Variants in PXK observed in about 807,000 individuals in gnomAD.
PXK encodes the protein PX domain containing serine/threonine kinase like, also known as PX domain-containing protein kinase-like protein.
A neutral mutation model predicts 84.7 loss-of-function variants in PXK; 35 were observed. The observed-to-expected ratio is 0.41, with a 90% CI of 0.32 to 0.55. The LOEUF (loss-of-function observed/expected upper bound fraction) is 0.55, where lower values mean the gene tolerates loss of function less well. Ranked by LOEUF, PXK falls within the 20% of genes least tolerant of loss-of-function variation. The pLI, the probability that PXK is intolerant of heterozygous loss-of-function variation, is 0.21. For missense variants in PXK, 634 were observed against 699.7 expected (o/e 0.91, Z 1.06); for synonymous variants, 253 against 260.8 (o/e 0.97, Z 0.29).
intron 7 of PXK, 32 bp downstream of exon 7, chr3:58,391,879 CTGA>C (rs1576469941): frequency 6.5e-7 from 1 of 1,547,930 alleles, no homozygotes; most frequent in East Asian, 2.2e-5. Context: ...ATTCTCAGTG[CTGA>C]TGATAGAGTC....
chr3:58,422,640 A>T, intron 17 of PXK: 10 of 985,334 alleles, frequency 1.0e-5, no homozygotes, highest in Non-Finnish European at 1.2e-5. Context: ...GTGCATTTGC[A>T]CTTCTAATTT....
At chr3:58,360,019 G>A (rs1005464010) in intron 1 of PXK, among the ~76,000 whole-genome samples, 1 of 151,922 alleles carries the variant, frequency 6.6e-6, no homozygotes, top group African/African-American at 2.4e-5. Context: ...TTGGTGGAGC[G>A]CACCTGTAGT....
intron 6 of PXK, 108 bp from the exon 7 acceptor site, chr3:58,391,665 G>A (rs576365122): frequency 1.1e-4 from 108 of 1,024,026 alleles, no homozygotes; most frequent in African/African-American, 8.5e-4. Context: ...TGTTGTTTTC[G>A]TCTTTGGTTT....
At position 58,403,887 on chromosome 3, in the gene PXK, A is replaced by G. The variant is rs777960283; in HGVS notation, c.1207A>G (p.Thr403Ala). Residue 403 changes from threonine to alanine, a missense_variant, in exon 13 of 18, where the codon ACT (threonine) becomes GCT (alanine). Coordinates refer to ENST00000356151, the MANE Select transcript of PXK (RefSeq NM_017771.5). ...MPLFSDVLLTTSEKPQFKIPT... is the reference protein window; with the variant it reads ...MPLFSDVLLTASEKPQFKIPT... ...ATTATTCAGCGATGTTTTACTAACCACTTCTGAAAAACCACAGTTTAAGGT... is the reference window on the plus strand; with the variant it reads ...ATTATTCAGCGATGTTTTACTAACCGCTTCTGAAAAACCACAGTTTAAGGT... 1.3e-6 allele frequency: 2 copies of G among 1,544,052 alleles called. No homozygotes were observed. The highest frequency in any genetic ancestry group is 4.6e-5 in the East Asian group (2 of 43,774).
chr3:58,363,213 A>T (rs2098217276), intron 1 of PXK, among the ~76,000 whole-genome samples: 2 of 151,198 alleles, frequency 1.3e-5, no homozygotes, highest in Non-Finnish European at 3.0e-5. Context: ...CCCTCCAAGT[A>T]TTTTTTTTTG....
chr3:58,336,843 G>A (rs748767426), intron 1 of PXK, among the ~76,000 whole-genome samples: 1 of 151,900 alleles, frequency 6.6e-6, no homozygotes, highest in African/African-American at 2.4e-5. Context: ...ACAGAGTCTC[G>A]CTCTGTCACC....
At chr3:58,369,073 A>G (rs960460728) in intron 2 of PXK, among the ~76,000 whole-genome samples, 3 of 109,338 alleles carry the variant, frequency 2.7e-5, no homozygotes, top group Non-Finnish European at 3.9e-5. Flanking sequence ...CTTTGATTCC[A>G]TGCTCAGTAA....
At chr3:58,372,413 C>A (rs963977312) in intron 3 of PXK, among the ~76,000 whole-genome samples, 1 of 152,014 alleles carries the variant, frequency 6.6e-6, no homozygotes, top group Non-Finnish European at 1.5e-5. Context: ...AGCTCCGCCT[C>A]CCGGGTTCAC....
chr3:58,335,171 G>A (rs2097572235), intron 1 of PXK, among the ~76,000 whole-genome samples: 1 of 151,996 alleles, frequency 6.6e-6, no homozygotes, highest in Non-Finnish European at 1.5e-5. Context: ...CACCACACCT[G>A]GCCCTGCAGA....
At chr3:58,354,595 C>T (rs1222393015) in intron 1 of PXK, among the ~76,000 whole-genome samples, 2 of 151,908 alleles carry the variant, frequency 1.3e-5, no homozygotes, top group African/African-American at 4.8e-5. Flanking sequence ...TACAGGCGCC[C>T]ACCATCGTGC....
chr3:58,338,108 G>A (rs990648688), intron 1 of PXK, among the ~76,000 whole-genome samples: 1 of 152,020 alleles, frequency 6.6e-6, no homozygotes, highest in Non-Finnish European at 1.5e-5. Context: ...TTGGGAGGCC[G>A]AGGCAGGCAG....
chr3:58,335,059 G>GTGTGTGTGTGTGT (rs1559824418), intron 1 of PXK, among the ~76,000 whole-genome samples: 1 of 134,600 alleles, frequency 7.4e-6, no homozygotes, highest in African/African-American at 2.8e-5. Flanking sequence ...GTGTGTGTGT[G>GTGTGTGTGTGTGT]GAGACAGCGT....
At chr3:58,410,244 G>C in intron 16 of PXK, 85 bp downstream of exon 16, 1 of 999,178 alleles carries the variant, frequency 1.0e-6, no homozygotes, top group Non-Finnish European at 1.6e-6. Context: ...CTTGAGTTCT[G>C]CTGGCCAGAA....
chr3:58,414,054 T>G lies in PXK; in HGVS notation c.1528+1091T>G, dbSNP rs1193551547. On this transcript the variant is annotated intron_variant, in intron 17 of 17. Transcript: ENST00000356151. This position sits in a 1 kb window ranked among gnomAD's most constrained non-coding sequence, Gnocchi z 4.5. The stretch of plus-strand genomic sequence containing the variant: ...TACCTGGTCCATGGGAGGATATTCT[T>G]GTCCTTATCTTTGTCAGCAGATTTC... 1.3e-5 allele frequency: 2 copies of G among 152,222 alleles called. No individual in the cohort carries two copies. The highest frequency in any genetic ancestry group is 2.9e-5 in the Non-Finnish European group (2 of 68,054). 9.4% of individuals were successfully genotyped at this position (152,222 alleles called of 1,614,324 possible).
chr3:58,336,372 A>G (rs1484569852), intron 1 of PXK, among the ~76,000 whole-genome samples: 1 of 152,154 alleles, frequency 6.6e-6, no homozygotes. Flanking sequence ...ATGTGTTGGT[A>G]GGTGATTCTG....
chr3:58,376,980 A>G (rs564420668), intron 3 of PXK, among the ~76,000 whole-genome samples: 1 of 152,342 alleles, frequency 6.6e-6, no homozygotes, highest in South Asian at 2.1e-4. Flanking sequence ...ACCAAAAAAT[A>G]AAGTGATTGG....
chr3:58,360,897 T>G (rs963042359), intron 1 of PXK, among the ~76,000 whole-genome samples: 2 of 152,030 alleles, frequency 1.3e-5, no homozygotes, highest in Non-Finnish European at 2.9e-5. Context: ...TTCTTTATGA[T>G]TTAATTTATA....
chr3:58,397,694 C>A lies in PXK; in HGVS notation c.1074C>A (p.Ser358=). Residue 358 remains serine, a synonymous_variant, in exon 11 of 18, where the codon TCC becomes TCA. Transcript: ENST00000356151. The surrounding 1 kb of genome is among the most constrained non-coding windows in gnomAD (Gnocchi z 4.7). ...CGCCAGACTCGGTGCCTGTGGACTC[C>A]TTCCCTCCTGCCCCGTCCATGGCTG... ...GRPPDSVPVD[S]FPPAPSMAVV... 6.2e-7 allele frequency: 1 copy of A among 1,613,950 alleles called. No homozygotes were observed. Among genetic ancestry groups the A allele is most frequent in the Non-Finnish European group, 8.5e-7 (1 of 1,179,880 alleles).
chr3:58,370,475 T>G lies in PXK; in HGVS notation c.201+997T>G, dbSNP rs2098349948. Among the ~76,000 whole-genome samples, 1 of 152,144 alleles carries G rather than the reference T, an allele frequency of 6.6e-6. No homozygotes were observed. Among genetic ancestry groups the G allele is most frequent in the South Asian group, 2.1e-4 (1 of 4,828 alleles). On this transcript the variant is annotated intron_variant, in intron 3 of 17. Transcript: ENST00000356151. The surrounding 1 kb of genome is among the most constrained non-coding windows in gnomAD (Gnocchi z 4.2). The stretch of plus-strand genomic sequence containing the variant: ...GCTCTTGTGTGTCATACTTCAGGTT[T>G]GATTGGTAACATAAAACCCTTTAAA...
Sources: gnomAD v4.1 joint callset for allele counts (sites outside exome capture counted in the v4.1 genomes callset) on GRCh38, gnomAD v4.1.1 for gene constraint, Gnocchi (gnomAD v3.1) non-coding constraint, MANE v1.5 for transcripts, NCBI Gene and HGNC (gene_info 2026-07-23, HGNC 2026-07-21) for gene names.